Variants in EPHA6 observed in about 807,000 individuals in gnomAD.
The protein encoded by EPHA6 is ephrin type-A receptor 6.
Under a neutral mutation model 112.0 loss-of-function variants are expected in EPHA6, and 50 were observed. The ratio of observed to expected loss-of-function variants is 0.45; its 90% confidence interval spans 0.36 to 0.56. The LOEUF (loss-of-function observed/expected upper bound fraction) is 0.56, where lower values mean the gene tolerates loss of function less well. EPHA6 is among the 20% of genes least tolerant of loss of function. The pLI is 0.00. For missense variants in EPHA6, 1,280 were observed against 1,417.4 expected (o/e 0.90, Z 1.56); for synonymous variants, 529 against 490.7 (o/e 1.08, Z -1.03).
intron 13 of EPHA6, among the ~76,000 whole-genome samples, chr3:97,630,616 A>G (rs2093894649): frequency 6.6e-6 from 1 of 152,016 alleles, no homozygotes; most frequent in South Asian, 2.1e-4. Flanking sequence ...GCATTTTTCC[A>G]TAAATATTTC....
At chr3:96,847,090 A>C (rs2035115950) in intron 1 of EPHA6, among the ~76,000 whole-genome samples, 1 of 152,090 alleles carries the variant, frequency 6.6e-6, no homozygotes, top group Non-Finnish European at 1.5e-5. Flanking sequence ...ATCTTTTAGA[A>C]ACCTGGTTTA....
intron 5 of EPHA6, among the ~76,000 whole-genome samples, chr3:97,261,947 T>C (rs1292197093): frequency 2.0e-5 from 3 of 152,174 alleles, no homozygotes; most frequent in Non-Finnish European, 4.4e-5. Context: ...AGTGAGCTCT[T>C]AACCATTAGG....
intron 13 of EPHA6, among the ~76,000 whole-genome samples, chr3:97,633,633 C>T (rs1468523921): frequency 6.6e-6 from 1 of 152,014 alleles, no homozygotes; most frequent in Middle Eastern, 3.2e-3. Context: ...GAAAAGGAAA[C>T]AGTCTGTTTT....
intron 2 of EPHA6, among the ~76,000 whole-genome samples, chr3:96,943,617 A>C (rs921786389): frequency 6.6e-6 from 1 of 152,256 alleles, no homozygotes; most frequent in African/African-American, 2.4e-5. Context: ...CAGTGAGACT[A>C]AACTGTCTAG....
intron 3 of EPHA6, among the ~76,000 whole-genome samples, chr3:97,204,841 T>A (rs2077673641): frequency 6.6e-6 from 1 of 152,170 alleles, no homozygotes; most frequent in African/African-American, 2.4e-5. Flanking sequence ...TGGATTCATT[T>A]ACAACAGGCA....
At chr3:97,183,019 G>C (rs1339662229) in intron 3 of EPHA6, among the ~76,000 whole-genome samples, 1 of 151,680 alleles carries the variant, frequency 6.6e-6, no homozygotes, top group Non-Finnish European at 1.5e-5. Context: ...TTCTTCTCTT[G>C]GGTTCTACTT....
intron 3 of EPHA6, among the ~76,000 whole-genome samples, chr3:97,007,315 A>G (rs1327731697): frequency 2.0e-5 from 3 of 152,186 alleles, no homozygotes; most frequent in Non-Finnish European, 4.4e-5. Context: ...TATTCAGAAT[A>G]GTTAGCTCTT....
intron 2 of EPHA6, among the ~76,000 whole-genome samples, chr3:96,914,780 T>G (rs1316825676): frequency 1.3e-5 from 2 of 152,106 alleles, no homozygotes; most frequent in African/African-American, 4.8e-5. Flanking sequence ...TTGATTTTTT[T>G]CATACTCTTT....
chr3:97,112,696 C>A (rs75739038), intron 3 of EPHA6, among the ~76,000 whole-genome samples: 9,982 of 151,250 alleles, frequency 0.066, 382 homozygotes, highest in Middle Eastern at 0.14. Context: ...CTATTTTTTG[C>A]CCAAGCAATA....
intron 7 of EPHA6, among the ~76,000 whole-genome samples, chr3:97,469,488 G>A (rs954084298): frequency 2.0e-5 from 3 of 151,698 alleles, no homozygotes; most frequent in East Asian, 1.9e-4. Context: ...GCTTTCTATC[G>A]TTCAACTAAA....
intron 12 of EPHA6, among the ~76,000 whole-genome samples, chr3:97,610,141 T>A (rs1041987849): frequency 6.6e-6 from 1 of 151,596 alleles, no homozygotes; most frequent in African/African-American, 2.4e-5. Context: ...GAGTTACTTA[T>A]TTTTCATGTA....
At chr3:97,400,376 T>A (rs887419003) in intron 5 of EPHA6, among the ~76,000 whole-genome samples, 1 of 151,944 alleles carries the variant, frequency 6.6e-6, no homozygotes, top group Admixed American at 6.6e-5. Flanking sequence ...TATTTTGAAG[T>A]CAGGCAGTGT....
chr3:97,679,500 A>G (rs2107678368), intron 14 of EPHA6, among the ~76,000 whole-genome samples: 1 of 152,312 alleles, frequency 6.6e-6, no homozygotes, highest in South Asian at 2.1e-4. Context: ...AAGCATCTTT[A>G]AATATCTCAT....
At chr3:97,549,623 C>A (rs1480058156) in intron 11 of EPHA6, among the ~76,000 whole-genome samples, 1 of 151,956 alleles carries the variant, frequency 6.6e-6, no homozygotes, top group East Asian at 1.9e-4. Flanking sequence ...ATCATCTTGG[C>A]CAAAGCAAAA....
intron 9 of EPHA6, among the ~76,000 whole-genome samples, chr3:97,479,966 CT>C (rs1488804571): frequency 6.6e-6 from 1 of 152,162 alleles, no homozygotes; most frequent in East Asian, 1.9e-4. Flanking sequence ...AAATTGCAAA[CT>C]ACTTCAGCAA....
intron 5 of EPHA6, among the ~76,000 whole-genome samples, chr3:97,324,406 TTTC>T (rs1465383444): frequency 9.9e-5 from 1 of 10,106 alleles, no homozygotes; most frequent in African/African-American, 2.5e-4. Context: ...CTTTCCTTCT[TTTC>T]TTTCTTTCTT....
At chr3:97,612,464 C>T (rs530153455) in intron 13 of EPHA6, 21 of 373,560 alleles carry the variant, frequency 5.6e-5, no homozygotes, top group East Asian at 3.7e-4. Flanking sequence ...ATGACTACCA[C>T]AAGCAAATAA....
chr3:97,601,645 T>A (rs1011316883), intron 12 of EPHA6, among the ~76,000 whole-genome samples: 1 of 151,964 alleles, frequency 6.6e-6, no homozygotes, highest in Non-Finnish European at 1.5e-5. Context: ...TTTTTAAAAA[T>A]TAAACATTTG....
chr3:96,933,213 C>G (rs1157716534), intron 2 of EPHA6, among the ~76,000 whole-genome samples: 1 of 151,910 alleles, frequency 6.6e-6, no homozygotes, highest in Non-Finnish European at 1.5e-5. Context: ...TACATATTGC[C>G]AGAGGGAAGT....
Sources: gnomAD v4.1 joint callset for allele counts (sites outside exome capture counted in the v4.1 genomes callset) on GRCh38, gnomAD v4.1.1 for gene constraint, MANE v1.5 for transcripts, NCBI Gene and HGNC (gene_info 2026-07-23, HGNC 2026-07-21) for gene names.